The following ZNRF1 variants were observed in gnomAD, a reference collection of about 807,000 sequenced individuals.
The protein encoded by ZNRF1 is zinc and ring finger 1.
A neutral mutation model predicts 18.4 loss-of-function variants in ZNRF1; 3 were observed. That is an observed-to-expected ratio of 0.16 (90% CI 0.07 to 0.42). ZNRF1 has a LOEUF of 0.42. ZNRF1 is among the 10% of genes least tolerant of loss of function. The probability of loss-of-function intolerance (pLI) is 0.99; values close to 1 mark genes in which losing one functional copy is unlikely to be tolerated. For missense variants in ZNRF1, 310 were observed against 329.8 expected (o/e 0.94, Z 0.47); for synonymous variants, 157 against 144.2 (o/e 1.09, Z -0.64).
chr16:75,100,934 A>G (rs2145428167), intron 2 of ZNRF1, among the ~76,000 whole-genome samples: 1 of 152,198 alleles, frequency 6.6e-6, no homozygotes, highest in East Asian at 1.9e-4. Context: ...ACACACAGCA[A>G]AGTTTTTATG....
chr16:75,047,701 G>C (rs1016333445), intron 1 of ZNRF1, among the ~76,000 whole-genome samples: 1 of 152,112 alleles, frequency 6.6e-6, no homozygotes, highest in African/African-American at 2.4e-5. Flanking sequence ...TCATATCACA[G>C]CTGTTTCCTC....
intron 1 of ZNRF1, among the ~76,000 whole-genome samples, chr16:75,021,061 G>T (rs7194075): frequency 6.6e-6 from 1 of 152,074 alleles, no homozygotes; most frequent in Non-Finnish European, 1.5e-5. Flanking sequence ...TGTTTTTGAG[G>T]TGGAGTTTTG....
In ZNRF1 at chr16:75,110,024, TGCTGCTTTG is replaced by T. The variant is rs1346280188; in HGVS notation, c.*2327_*2335del. On this transcript the variant is annotated 3_prime_UTR_variant, in exon 5 of 5. Transcript: ENST00000335325. ...TGTGCCCGCCTTGGCGGCTTAAGCCTGCTGCTTTGGCAGTGCCATGGGTGAGCCGAGCAG... is the reference window on the plus strand; with the variant it reads ...TGTGCCCGCCTTGGCGGCTTAAGCCTGCAGTGCCATGGGTGAGCCGAGCAG... 1 of 152,464 alleles carries T rather than the reference TGCTGCTTTG, an allele frequency of 6.6e-6. No homozygotes were observed. Among genetic ancestry groups the T allele is most frequent in the Non-Finnish European group, 1.5e-5 (1 of 68,218 alleles). The allele number at this position is 152,464 out of a possible 1,614,324, so 9.4% of individuals were successfully genotyped here.
rs151188969 is a variant in ZNRF1 at position 75,031,859 on chromosome 16, C to T, written c.424+31764C>T. On this transcript the variant is annotated intron_variant, in intron 1 of 4. Transcript: ENST00000335325. ...TTCTACTGTGTCGAGTCAATTCTGC[C>T]GGATCTACCCGGTAGAAATGCTGGG... Among the ~76,000 whole-genome samples the T allele has an allele frequency of 6.9e-4, 105 of 151,822 alleles. 1 individual carries two copies. Among genetic ancestry groups the T allele is most frequent in the African/African-American group, 1.4e-3 (56 of 41,324 alleles).
chr16:75,069,545 C>T (rs140867647), intron 1 of ZNRF1, among the ~76,000 whole-genome samples: 124 of 152,298 alleles, frequency 8.1e-4, no homozygotes, highest in African/African-American at 2.4e-3. Flanking sequence ...TCTCGAGTAG[C>T]TGGAACTACA....
chr16:75,059,273 A>T (rs8062399), intron 1 of ZNRF1, among the ~76,000 whole-genome samples: 1 of 106,062 alleles, frequency 9.4e-6, no homozygotes, highest in Non-Finnish European at 1.7e-5. Context: ...GTGGAGAAAG[A>T]GTCTCACTCT....
intron 1 of ZNRF1, among the ~76,000 whole-genome samples, chr16:75,081,328 C>G (rs2036009715): frequency 6.6e-6 from 1 of 152,204 alleles, no homozygotes; most frequent in Non-Finnish European, 1.5e-5. Context: ...CATGGCTGGT[C>G]CTACTTGGAC....
intron 1 of ZNRF1, among the ~76,000 whole-genome samples, chr16:75,074,346 A>C (rs564980065): frequency 1.0e-3 from 157 of 152,322 alleles, no homozygotes; most frequent in Non-Finnish European, 1.9e-3. Flanking sequence ...CACAGAGCCT[A>C]CTGGGTGACC....
chr16:75,104,086 T>C (rs2036284916), intron 2 of ZNRF1: 1 of 152,284 alleles, frequency 6.6e-6, no homozygotes, highest in African/African-American at 2.4e-5. Flanking sequence ...TCCCTCTCTA[T>C]GGATGTATCT....
intron 2 of ZNRF1, among the ~76,000 whole-genome samples, chr16:75,096,998 C>A (rs2145424783): frequency 6.6e-6 from 1 of 152,204 alleles, no homozygotes; most frequent in East Asian, 1.9e-4. Context: ...CTCCAGAGCA[C>A]CGAATGTTAA....
chr16:75,001,719 A>G (rs2034851737), intron 1 of ZNRF1, among the ~76,000 whole-genome samples: 2 of 152,216 alleles, frequency 1.3e-5, no homozygotes. Flanking sequence ...GTTGAAAAAC[A>G]TATGAGATAT....
Position 75,000,106 on chromosome 16 carries a change from G to A in ZNRF1, c.424+11G>A. ...TCAGCTCGCATAGTGGTGAGTCCGC[G>A]GGTGGTGGAGGCCTCGGAGGGAGGG... On this transcript the variant is annotated intron_variant, in intron 1 of 4. Coordinates refer to ENST00000335325, the MANE Select transcript of ZNRF1 (RefSeq NM_032268.5). 6.3e-7 allele frequency: 1 copy of A among 1,594,226 alleles called. No homozygotes were observed. Among genetic ancestry groups the A allele is most frequent in the South Asian group, 1.1e-5 (1 of 87,594 alleles).
chr16:75,091,228 G>A (rs753233588), intron 1 of ZNRF1, among the ~76,000 whole-genome samples: 4 of 151,866 alleles, frequency 2.6e-5, no homozygotes, highest in Non-Finnish European at 2.9e-5. Flanking sequence ...GCATGGTGGC[G>A]CTCACCTGTA....
chr16:75,016,081 C>A (rs1383212250), intron 1 of ZNRF1, among the ~76,000 whole-genome samples: 2 of 150,978 alleles, frequency 1.3e-5, no homozygotes, highest in Non-Finnish European at 3.0e-5. Context: ...CCACCACACC[C>A]AGCTAATTTT....
chr16:75,075,424 G>T (rs936301522), intron 1 of ZNRF1, among the ~76,000 whole-genome samples: 2 of 152,230 alleles, frequency 1.3e-5, no homozygotes, highest in African/African-American at 2.4e-5. Flanking sequence ...CCGACATTCT[G>T]TCTCACACAC....
chr16:75,054,444 A>G (rs1303281600), intron 1 of ZNRF1, among the ~76,000 whole-genome samples: 1 of 152,216 alleles, frequency 6.6e-6, no homozygotes, highest in East Asian at 1.9e-4. Flanking sequence ...GGGACAAGCC[A>G]GGCACTGGCT....
chr16:75,029,859 A>T (rs542136570), intron 1 of ZNRF1, among the ~76,000 whole-genome samples: 1 of 152,194 alleles, frequency 6.6e-6, no homozygotes, highest in African/African-American at 2.4e-5. Flanking sequence ...ACATTGTGAA[A>T]ACCCATTTCT....
intron 1 of ZNRF1, among the ~76,000 whole-genome samples, chr16:75,056,257 C>T (rs1017067631): frequency 6.6e-6 from 1 of 152,176 alleles, no homozygotes; most frequent in Non-Finnish European, 1.5e-5. Flanking sequence ...TCTATTCAGC[C>T]CAGCGTGTAA....
chr16:75,079,035 T>C (rs943284578), intron 1 of ZNRF1, among the ~76,000 whole-genome samples: 3 of 152,204 alleles, frequency 2.0e-5, no homozygotes, highest in Admixed American at 1.3e-4. Context: ...CCCATTCTTA[T>C]CTACCCGGTT....
Sources: gnomAD v4.1 joint callset for allele counts (sites outside exome capture counted in the v4.1 genomes callset) on GRCh38, gnomAD v4.1.1 for gene constraint, MANE v1.5 for transcripts, NCBI Gene and HGNC (gene_info 2026-07-23, HGNC 2026-07-21) for gene names.